VPS4A: variants seen among roughly 807,000 people sequenced by gnomAD.
VPS4A encodes vacuolar protein sorting-associated protein 4A.
In VPS4A, 20 loss-of-function variants were observed where a neutral mutation model predicts 52.3. The observed-to-expected ratio is 0.38, with a 90% confidence interval of 0.27 to 0.56. The LOEUF (loss-of-function observed/expected upper bound fraction) is 0.56, where lower values mean the gene tolerates loss of function less well. VPS4A is among the 20% of genes least tolerant of loss of function. VPS4A has a pLI of 0.72. For missense variants in VPS4A, 419 were observed against 575.9 expected, an observed-to-expected ratio of 0.73 and a Z score of 2.79; for synonymous variants, 293 against 227.7, an observed-to-expected ratio of 1.29 and a Z score of -2.58.
At position 69,324,495 on chromosome 16, in the gene VPS4A, C is replaced by A. The variant is rs907509965; in HGVS notation, c.*186C>A. On this transcript the variant is annotated 3_prime_UTR_variant, in exon 11 of 11. Coordinates refer to ENST00000254950, the MANE Select transcript of VPS4A (RefSeq NM_013245.3). The stretch of plus-strand genomic sequence containing the variant: ...TTGCAGCCACAGAGACACTCCACTG[C>A]CCTGGGGCACACAGTGGACACTGCT... The A allele has an allele frequency of 1.6e-6, 1 of 625,022 alleles. No individual in the cohort carries two copies. The highest frequency in any genetic ancestry group is 2.8e-6 in the Non-Finnish European group (1 of 352,246). 38.7% of individuals were successfully genotyped at this position (625,022 alleles called of 1,614,324 possible).
rs1468481961 is a variant in VPS4A, at chr16:69,325,671, T to C, written c.*1362T>C. 1.3e-5 allele frequency: 2 copies of C among 149,438 alleles called. No homozygotes were observed. The highest frequency in any genetic ancestry group is 3.0e-5 in the Non-Finnish European group (2 of 67,758). The allele number at this position is 149,438 out of a possible 1,614,324, so 9.3% of individuals were successfully genotyped here. A position where few individuals can be genotyped will look rare whatever the true frequency, so the allele number is the denominator to read the frequency against. On this transcript the variant is annotated 3_prime_UTR_variant, in exon 11 of 11. Coordinates refer to ENST00000254950, the MANE Select transcript of VPS4A (RefSeq NM_013245.3). ...TGGCGTGAACCCGGGGGACGGAGCT[T>C]GCAGTGAGCCGAGATCGCGCCACTG...
At position 69,316,079 on chromosome 16, in the gene VPS4A, G is replaced by A. The variant is rs201987194; in HGVS notation, c.93G>A (p.Leu31=). Residue 31 remains leucine, a synonymous_variant, in exon 2 of 11, where the codon CTG becomes CTA. Coordinates refer to ENST00000254950, the MANE Select transcript of VPS4A (RefSeq NM_013245.3). ...KAKNYEEALR[L]YQHAVEYFLH... Reference sequence around the variant, plus strand: ...AGAACTACGAGGAGGCGCTGCGGCTGTACCAGCATGCGGTGGAGTACTTCC... The same window carrying A: ...AGAACTACGAGGAGGCGCTGCGGCTATACCAGCATGCGGTGGAGTACTTCC... 2 of 1,613,506 alleles carry A rather than the reference G, an allele frequency of 1.2e-6. No individual in the cohort carries two copies. The highest frequency in any genetic ancestry group is 2.2e-5 in the East Asian group (1 of 44,868).
At chr16:69,313,849 G>A (rs1039872698) in intron 1 of VPS4A, among the ~76,000 whole-genome samples, 3 of 152,052 alleles carry the variant, frequency 2.0e-5, no homozygotes, top group South Asian at 2.1e-4. Flanking sequence ...TTTGCCATAC[G>A]TGTTACTAGA....
Position 69,320,453 on chromosome 16 carries a change from T to TGAGGCA in VPS4A, c.769+169_769+170insAGAGGC. ...TGGACTTCAATTCCCAAGAGGTGCC[T>TGAGGCA]GAGGCCTCTGCCTCACGGGCCACTC... On this transcript the variant is annotated intron_variant, in intron 7 of 10. Transcript: ENST00000254950. The surrounding 1 kb of genome is among the most constrained non-coding windows in gnomAD (Gnocchi z 4.2). 2 of 1,054,162 alleles carry TGAGGCA rather than the reference T, an allele frequency of 1.9e-6. No homozygotes were observed. The highest frequency in any genetic ancestry group is 2.7e-6 in the Non-Finnish European group (2 of 740,938). 65.3% of individuals were successfully genotyped at this position (1,054,162 alleles called of 1,614,324 possible).
intron 1 of VPS4A, among the ~76,000 whole-genome samples, chr16:69,312,555 C>T (rs188480103): frequency 2.0e-5 from 3 of 152,232 alleles, no homozygotes; most frequent in East Asian, 1.9e-4. Flanking sequence ...TTTTATGGCC[C>T]GTGAACCGAG....
chr16:69,315,439 C>T (rs911849661), intron 1 of VPS4A, among the ~76,000 whole-genome samples: 2 of 152,116 alleles, frequency 1.3e-5, no homozygotes, highest in Admixed American at 6.6e-5. Context: ...CTTTAGACAG[C>T]GAAGGAAACT....
chr16:69,313,013 C>G (rs1326520075), intron 1 of VPS4A, among the ~76,000 whole-genome samples: 1 of 151,814 alleles, frequency 6.6e-6, no homozygotes, highest in East Asian at 1.9e-4. Context: ...CAGTCTCATT[C>G]TGTCACCCAG....
Position 69,320,201 on chromosome 16 carries a change from T to C in VPS4A, c.681T>C (p.Asp227=). The C allele has an allele frequency of 2.5e-6, 4 of 1,613,926 alleles. No homozygotes were observed. The highest frequency in any genetic ancestry group is 2.5e-6 in the Non-Finnish European group (3 of 1,179,846). ...RQHKPSIIFI[D]EVDSLCGSRN... is the part of the protein sequence containing the mutation. Reference sequence around the variant, plus strand: ...ACAAGCCCTCCATCATCTTCATCGATGAGGTGGATTCCCTCTGCGGGTCCC... The same window carrying C: ...ACAAGCCCTCCATCATCTTCATCGACGAGGTGGATTCCCTCTGCGGGTCCC... The change falls in exon 7 of 11, where the codon GAT becomes GAC. Residue 227 remains aspartate (D), a synonymous_variant. Coordinates refer to ENST00000254950, the MANE Select transcript of VPS4A (RefSeq NM_013245.3). The surrounding 1 kb of genome is among the most constrained non-coding windows in gnomAD (Gnocchi z 4.2).
In VPS4A at chr16:69,324,420, G is replaced by A; in HGVS notation, c.*111G>A. 5.1e-6 allele frequency: 6 copies of A among 1,183,912 alleles called. No homozygotes were observed. Among genetic ancestry groups the A allele is most frequent in the Non-Finnish European group, 7.3e-6 (6 of 822,620 alleles). 73.3% of individuals were successfully genotyped at this position (1,183,912 alleles called of 1,614,324 possible). On this transcript the variant is annotated 3_prime_UTR_variant, in exon 11 of 11. Transcript: ENST00000254950. ...TCCAGGGCTTGTCCCAGTCAATACAGAGTTCCCTCTGCTGTCTGGCCGTCT... is the reference window on the plus strand; with the variant it reads ...TCCAGGGCTTGTCCCAGTCAATACAAAGTTCCCTCTGCTGTCTGGCCGTCT...
intron 3 of VPS4A, among the ~76,000 whole-genome samples, chr16:69,316,893 C>G (rs1368852911): frequency 2.6e-5 from 4 of 152,236 alleles, no homozygotes; most frequent in Non-Finnish European, 5.9e-5. Flanking sequence ...ACTTGGACCC[C>G]CAAAGCAGGG....
chr16:69,322,777 G>C (rs1285235856), intron 10 of VPS4A, 77 bp downstream of exon 10: 3 of 1,521,498 alleles, frequency 2.0e-6, no homozygotes, highest in Non-Finnish European at 2.7e-6. Context: ...GAATAAAAAC[G>C]GTCTTCTCCA....
In VPS4A at chr16:69,324,849, C is replaced by A. The variant is rs1362800646; in HGVS notation, c.*540C>A. ...GACCGAGTGACATAAGCCATTCCCACCCTCCTAGGTTCACATCCAGGGCTG... is the reference window on the plus strand; with the variant it reads ...GACCGAGTGACATAAGCCATTCCCAACCTCCTAGGTTCACATCCAGGGCTG... On this transcript the variant is annotated 3_prime_UTR_variant, in exon 11 of 11. Transcript: ENST00000254950. 1.8e-5 allele frequency: 3 copies of A among 170,498 alleles called. No individual in the cohort carries two copies. Among genetic ancestry groups the A allele is most frequent in the Non-Finnish European group, 3.9e-5 (3 of 77,820 alleles). 10.6% of individuals were successfully genotyped at this position (170,498 alleles called of 1,614,324 possible). A position where few individuals can be genotyped will look rare whatever the true frequency, so the allele number is the denominator to read the frequency against.
intron 3 of VPS4A, among the ~76,000 whole-genome samples, chr16:69,317,066 G>A (rs11860102): frequency 0.2 from 30,431 of 152,080 alleles, 3,486 homozygotes; most frequent in African/African-American, 0.3. Flanking sequence ...GAGAGGGGTG[G>A]GTGGTGTCAG....
chr16:69,320,845 C>A lies in VPS4A; in HGVS notation c.851+76C>A. ...TCACGGTCCGCCTGCTGCTGGCAGC[C>A]CGGGTGCAGCCTGGCCCCTTTTCCC... On this transcript the variant is annotated intron_variant, in intron 8 of 10. Transcript: ENST00000254950. This position sits in a 1 kb window ranked among gnomAD's most constrained non-coding sequence, Gnocchi z 4.2. The A allele has an allele frequency of 1.4e-6, 2 of 1,434,032 alleles. No homozygotes were observed. The highest frequency in any genetic ancestry group is 1.3e-5 in the South Asian group (1 of 79,966). 88.8% of individuals were successfully genotyped at this position (1,434,032 alleles called of 1,614,324 possible).
Position 69,311,399 on chromosome 16 carries a change from C to G in VPS4A, c.-113C>G, listed in dbSNP as rs1965374744. On this transcript the variant is annotated 5_prime_UTR_variant, in exon 1 of 11. Coordinates refer to ENST00000254950, the MANE Select transcript of VPS4A (RefSeq NM_013245.3). ...GAGCGGCCGCCCTGCCCGCGCACCG[C>G]GCTCAGCGCCCACCGCCGGGCTTCC... The G allele has an allele frequency of 8.6e-7, 1 of 1,157,344 alleles. No individual in the cohort carries two copies. The highest frequency in any genetic ancestry group is 4.3e-5 in the South Asian group (1 of 23,262). 71.7% of individuals were successfully genotyped at this position (1,157,344 alleles called of 1,614,324 possible). A position where few individuals can be genotyped will look rare whatever the true frequency, so the allele number is the denominator to read the frequency against.
rs190583550 is a variant in VPS4A, at chr16:69,321,554, G to A, written c.1071+284G>A. ...CTCCGTCAGCACTGTGTGCTCTTGTGCGGGGTGGACACCAAATCAGTGTTT... is the reference window on the plus strand; with the variant it reads ...CTCCGTCAGCACTGTGTGCTCTTGTACGGGGTGGACACCAAATCAGTGTTT... On this transcript the variant is annotated intron_variant, in intron 9 of 10. Coordinates refer to ENST00000254950, the MANE Select transcript of VPS4A (RefSeq NM_013245.3). This position sits in a 1 kb window ranked among gnomAD's most constrained non-coding sequence, Gnocchi z 4.5. 2.2e-3 allele frequency: 1,037 copies of A among 466,404 alleles called. 1 individual carries two copies. Among genetic ancestry groups the A allele is most frequent in the Non-Finnish European group, 2.9e-3 (732 of 255,282 alleles). The allele number at this position is 466,404 out of a possible 1,614,324, so 28.9% of individuals were successfully genotyped here. A position where few individuals can be genotyped will look rare whatever the true frequency, so the allele number is the denominator to read the frequency against.
chr16:69,322,562 C>T lies in VPS4A; in HGVS notation c.1074C>T (p.Val358=), dbSNP rs367665464. The change falls in exon 10 of 11, where the codon GTC becomes GTT. Residue 358 remains valine, a splice_region_variant and synonymous_variant. Transcript: ENST00000254950. ...KVQSATHFKK[V]CGPSRTNPSM... ...CAGTCAGATCCATTTGGTTTCAGGT[C>T]TGTGGCCCCTCTCGCACCAACCCCA... The T allele has an allele frequency of 1.2e-5, 19 of 1,612,292 alleles. No individual in the cohort carries two copies. The African/African-American group carries it at 2.5e-4, about 22-fold the overall frequency.
In VPS4A at chr16:69,316,103, C is replaced by T. The variant is rs1400707378; in HGVS notation, c.117C>T (p.Phe39=). The change falls in exon 2 of 11, where the codon TTC becomes TTT. Residue 39 remains phenylalanine (F), a synonymous_variant. Coordinates refer to ENST00000254950, the MANE Select transcript of VPS4A (RefSeq NM_013245.3). ...TGTACCAGCATGCGGTGGAGTACTT[C>T]CTCCACGCTATCAAGTGTGAGTCAC... is the stretch of plus-strand genomic sequence containing the variant. ...LRLYQHAVEY[F]LHAIKYEAHS... 6.2e-7 allele frequency: 1 copy of T among 1,613,340 alleles called. No individual in the cohort carries two copies. The highest frequency in any genetic ancestry group is 8.5e-7 in the Non-Finnish European group (1 of 1,179,880).
At chr16:69,314,461 C>T (rs1303357254) in intron 1 of VPS4A, among the ~76,000 whole-genome samples, 2 of 152,020 alleles carry the variant, frequency 1.3e-5, no homozygotes, top group South Asian at 2.1e-4. Context: ...GGGAGAGGAG[C>T]GCTGCCTTCC....
Sources: allele counts gnomAD v4.1 joint callset (sites outside exome capture counted in the v4.1 genomes callset), GRCh38; gene constraint gnomAD v4.1.1; non-coding constraint Gnocchi (gnomAD v3.1); transcripts MANE v1.5; gene names NCBI Gene and HGNC (gene_info 2026-07-23, HGNC 2026-07-21).